Variants in SCN2A observed in about 807,000 individuals in gnomAD.
SCN2A encodes sodium voltage-gated channel alpha subunit 2.
A neutral mutation model predicts 188.7 loss-of-function variants in SCN2A; 20 were observed. The observed-to-expected ratio is 0.11, with a 90% CI of 0.07 to 0.15. The LOEUF is 0.15. Ranked by LOEUF, SCN2A falls within the 10% of genes least tolerant of loss-of-function variation. The pLI, the probability that SCN2A is intolerant of heterozygous loss-of-function variation, is 1.00. For missense variants in SCN2A, 1,278 were observed against 2,445.0 expected, an observed-to-expected ratio of 0.52 and a Z score of 10.07; for synonymous variants, 804 against 833.1, an observed-to-expected ratio of 0.97 and a Z score of 0.60.
intron 1 of SCN2A, among the ~76,000 whole-genome samples, chr2:165,250,950 T>G (rs1275918935): frequency 6.6e-6 from 1 of 152,092 alleles, no homozygotes; most frequent in Non-Finnish European, 1.5e-5. Context: ...AAAATCTGCT[T>G]ATTATTAAAG....
intron 19 of SCN2A, 64 bp downstream of exon 19, chr2:165,367,435 A>C: frequency 6.6e-7 from 1 of 1,523,112 alleles, no homozygotes; most frequent in Non-Finnish European, 9.1e-7. Context: ...CCCTTCAATC[A>C]ACTCATATTA....
intron 2 of SCN2A, 182 bp downstream of exon 2, chr2:165,296,272 A>G (rs1559344093): frequency 3.1e-6 from 2 of 637,304 alleles, no homozygotes; most frequent in East Asian, 5.6e-5. Context: ...CACTCATTTG[A>G]ACCTGCATTT....
intron 1 of SCN2A, among the ~76,000 whole-genome samples, chr2:165,284,057 CTT>C (rs1257415801): frequency 1.8e-4 from 27 of 151,786 alleles, no homozygotes; most frequent in African/African-American, 6.3e-4. Flanking sequence ...CTCTCTCTCT[CTT>C]TCTCTCTCTC....
chr2:165,301,577 C>T (rs1213110658), intron 3 of SCN2A, among the ~76,000 whole-genome samples: 4 of 152,102 alleles, frequency 2.6e-5, no homozygotes, highest in Admixed American at 1.3e-4. Flanking sequence ...ATAATCACAG[C>T]TTAGACATTA....
At position 165,297,031 on chromosome 2, in the gene SCN2A, G is replaced by C; in HGVS notation, c.282G>C (p.Leu94Phe). The change falls in exon 3 of 27, where the codon TTG becomes TTC. Residue 94 changes from leucine (L) to phenylalanine (F), a missense_variant. Leu to Phe is a conservative substitution (Grantham distance 22, BLOSUM62 0). Coordinates refer to ENST00000375437, the MANE Select transcript of SCN2A (RefSeq NM_001040142.2). ...TTCTTTTTCAGACGTTTATAGTATT[G>C]AATAAAGGGAAAGCAATCTCTCGAT... ...YYINKKTFIV[L>F]NKGKAISRFS... The C allele has an allele frequency of 6.3e-7, 1 of 1,597,748 alleles. No homozygotes were observed. The highest frequency in any genetic ancestry group is 8.6e-7 in the Non-Finnish European group (1 of 1,166,210).
chr2:165,377,509 T>A (rs900875856), intron 22 of SCN2A, 88 bp from the exon 23 acceptor site: 2 of 1,177,558 alleles, frequency 1.7e-6, no homozygotes, highest in East Asian at 5.1e-5. Flanking sequence ...ATTGAATACA[T>A]GTCAAATAGA....
chr2:165,301,539 G>T (rs746569166), intron 3 of SCN2A, among the ~76,000 whole-genome samples: 2 of 152,002 alleles, frequency 1.3e-5, no homozygotes, highest in African/African-American at 4.8e-5. Flanking sequence ...CAATTCTTTC[G>T]AATCTCAGTT....
rs761507234 is a variant in SCN2A at position 165,389,173 on chromosome 2, T to C, written c.5367T>C (p.Pro1789=). The C allele has an allele frequency of 9.9e-6, 16 of 1,613,982 alleles. No homozygotes were observed. Among genetic ancestry groups the C allele is most frequent in the African/African-American group, 9.3e-5 (7 of 74,934 alleles). Residue 1789 remains proline (P), a synonymous_variant, in exon 27 of 27, where the codon CCT becomes CCC. Transcript: ENST00000375437. The surrounding 1 kb of genome is among the most constrained non-coding windows in gnomAD (Gnocchi z 4.2). ...TTGCTACTGAAGAAAGTGCAGAGCC[T>C]CTGAGTGAGGATGACTTTGAGATGT... ...FSVATEESAE[P]LSEDDFEMFY... is the part of the protein sequence containing the mutation.
At chr2:165,245,623 T>G (rs1693811574) in intron 1 of SCN2A, among the ~76,000 whole-genome samples, 1 of 152,138 alleles carries the variant, frequency 6.6e-6, no homozygotes, top group Non-Finnish European at 1.5e-5. Flanking sequence ...ACTTACTATT[T>G]CCTGAATTAA....
At position 165,326,843 on chromosome 2, in the gene SCN2A, T is replaced by C. The variant is rs1451143110; in HGVS notation, c.2017-9T>C. 97 of 1,613,758 alleles carry C rather than the reference T, an allele frequency of 6.0e-5. No individual in the cohort carries two copies. The highest frequency in any genetic ancestry group is 8.1e-5 in the Non-Finnish European group (95 of 1,179,832). On this transcript the variant is annotated splice_polypyrimidine_tract_variant and intron_variant, in intron 12 of 26. Coordinates refer to ENST00000375437, the MANE Select transcript of SCN2A (RefSeq NM_001040142.2). ...ATAGTGGTTATTTCATCTGAAATTC[T>C]ACTTCTAGGGCACAACTACTGAAAC...
chr2:165,281,121 T>G (rs949405616), intron 1 of SCN2A, among the ~76,000 whole-genome samples: 17 of 152,192 alleles, frequency 1.1e-4, no homozygotes, highest in African/African-American at 4.1e-4. Flanking sequence ...CTTGGAATGC[T>G]GAGGTGGGAG....
chr2:165,384,542 A>G (rs1701767197), intron 25 of SCN2A, among the ~76,000 whole-genome samples: 1 of 152,108 alleles, frequency 6.6e-6, no homozygotes, highest in Non-Finnish European at 1.5e-5. Context: ...TCATGGTGAT[A>G]TTAAAATTAA....
intron 24 of SCN2A, 50 bp downstream of exon 24, chr2:165,380,779 T>C (rs1320559227): frequency 7.1e-7 from 1 of 1,403,238 alleles, no homozygotes; most frequent in East Asian, 2.3e-5. Flanking sequence ...ACTAAATATT[T>C]CATACTCTTT....
At position 165,310,490 on chromosome 2, in the gene SCN2A, G is replaced by C; in HGVS notation, c.865G>C (p.Glu289Gln). 6.2e-7 allele frequency: 1 copy of C among 1,613,492 alleles called. No individual in the cohort carries two copies. The highest frequency in any genetic ancestry group is 8.5e-7 in the Non-Finnish European group (1 of 1,179,568). ...ATGGCCTCCAGATAATTCTTCCTTT[G>C]AAATAAATATCACTTCCTTCTTTAA... The part of the protein sequence containing the change: ...LQWPPDNSSF[E>Q]INITSFFNNS... Residue 289 changes from glutamate to glutamine, a missense_variant, in exon 7 of 27, where the codon GAA becomes CAA. Coordinates refer to ENST00000375437, the MANE Select transcript of SCN2A (RefSeq NM_001040142.2).
chr2:165,344,485 A>T, intron 15 of SCN2A, 70 bp from the exon 16 acceptor site: 1 of 944,628 alleles, frequency 1.1e-6, no homozygotes, highest in South Asian at 3.5e-5. Context: ...TAAAAAAATA[A>T]AAATAAAATA....
At chr2:165,310,230 T>A in intron 6 of SCN2A, 93 bp from the exon 7 acceptor site, 1 of 1,353,660 alleles carries the variant, frequency 7.4e-7, no homozygotes, top group Non-Finnish European at 1.1e-6. Flanking sequence ...CTGCATGACA[T>A]TTTTATTTTC....
rs976201034 is a variant in SCN2A at position 165,390,029 on chromosome 2, G to C, written c.*205G>C. On this transcript the variant is annotated 3_prime_UTR_variant, in exon 27 of 27. Coordinates refer to ENST00000375437, the MANE Select transcript of SCN2A (RefSeq NM_001040142.2). ...TAAACTGGAGAAATAGTATCGATGG[G>C]AGGTTTCTATTTTCACAACCAGCTG... is the stretch of plus-strand genomic sequence containing the variant. 3.9e-6 allele frequency: 3 copies of C among 771,394 alleles called. No homozygotes were observed. Among genetic ancestry groups the C allele is most frequent in the African/African-American group, 3.5e-5 (2 of 56,826 alleles). The allele number at this position is 771,394 out of a possible 1,614,324, so 47.8% of individuals were successfully genotyped here.
intron 3 of SCN2A, among the ~76,000 whole-genome samples, chr2:165,302,249 T>C (rs563754599): frequency 5.8e-4 from 89 of 152,304 alleles, no homozygotes; most frequent in African/African-American, 2.1e-3. Context: ...CAAATAGGAG[T>C]TTGTTCATAT....
At chr2:165,358,588 C>T (rs1441330084) in intron 17 of SCN2A, among the ~76,000 whole-genome samples, 1 of 151,790 alleles carries the variant, frequency 6.6e-6, no homozygotes, top group African/African-American at 2.4e-5. Context: ...TTTTGTATAC[C>T]AAATAATAAT....
Sources: allele counts gnomAD v4.1 joint callset (sites outside exome capture counted in the v4.1 genomes callset), GRCh38; gene constraint gnomAD v4.1.1; non-coding constraint Gnocchi (gnomAD v3.1); transcripts MANE v1.5; gene names NCBI Gene and HGNC (gene_info 2026-07-23, HGNC 2026-07-21).